LDB2: variants seen among roughly 807,000 people sequenced by gnomAD.
LDB2 encodes LIM domain binding 2.
A neutral mutation model predicts 44.3 loss-of-function variants in LDB2; 12 were observed. That is an observed-to-expected ratio of 0.27 (90% CI 0.17 to 0.44). LDB2 has a LOEUF of 0.44. LDB2 is among the 20% of genes least tolerant of loss of function. The probability of loss-of-function intolerance (pLI) is 1.00; values close to 1 mark genes in which losing one functional copy is unlikely to be tolerated. For synonymous variants in LDB2, 164 were observed against 174.8 expected, an observed-to-expected ratio of 0.94 and a Z score of 0.49; for missense variants, 344 against 473.5, an observed-to-expected ratio of 0.73 and a Z score of 2.54.
At chr4:16,758,346 T>C (rs1579390603) in intron 2 of LDB2, among the ~76,000 whole-genome samples, 1 of 152,228 alleles carries the variant, frequency 6.6e-6, no homozygotes, top group African/African-American at 2.4e-5. Context: ...GCTGGTTCCC[T>C]CATCATTTCA....
At chr4:16,616,606 C>T (rs1727399815) in intron 2 of LDB2, among the ~76,000 whole-genome samples, 1 of 152,036 alleles carries the variant, frequency 6.6e-6, no homozygotes, top group Non-Finnish European at 1.5e-5. Context: ...GTTGGGGAGA[C>T]AAGGCCACCA....
intron 2 of LDB2, among the ~76,000 whole-genome samples, chr4:16,711,892 A>G (rs1306656349): frequency 6.6e-6 from 1 of 152,214 alleles, no homozygotes; most frequent in East Asian, 1.9e-4. Flanking sequence ...TCCACATGCA[A>G]AAGAACAAAT....
chr4:16,567,885 G>A (rs1332978288), intron 5 of LDB2, among the ~76,000 whole-genome samples: 1 of 152,142 alleles, frequency 6.6e-6, no homozygotes, highest in African/African-American at 2.4e-5. Context: ...GATAGTGAGG[G>A]TTAGTTAAAT....
rs1717794553 is a variant in LDB2, at chr4:16,502,566, C to G, written c.*77G>C. On this transcript the variant is annotated 3_prime_UTR_variant, in exon 8 of 8. Transcript: ENST00000304523. ...GAAAAGTTTTTATCTCTTCTGTTTC[C>G]TCTCCTGTAAGTAAAGATTTGCAAT... The G allele has an allele frequency of 6.4e-7, 1 of 1,559,224 alleles. No homozygotes were observed. The highest frequency in any genetic ancestry group is 1.4e-5 in the African/African-American group (1 of 73,246).
intron 2 of LDB2, among the ~76,000 whole-genome samples, chr4:16,627,318 G>A (rs1730543035): frequency 6.6e-6 from 1 of 152,184 alleles, no homozygotes; most frequent in African/African-American, 2.4e-5. Flanking sequence ...ACTGGGAGCA[G>A]TGTGCTTCTG....
intron 2 of LDB2, among the ~76,000 whole-genome samples, chr4:16,678,952 A>C (rs1308066562): frequency 6.6e-6 from 1 of 152,230 alleles, no homozygotes. Context: ...GGTGATATTT[A>C]TCATGCTTTC....
At chr4:16,888,019 T>C (rs1056643863) in intron 1 of LDB2, among the ~76,000 whole-genome samples, 2 of 152,178 alleles carry the variant, frequency 1.3e-5, no homozygotes, top group African/African-American at 4.8e-5. Context: ...CTTCCACCAG[T>C]GTGTGCATTA....
At chr4:16,641,122 C>T (rs894310478) in intron 2 of LDB2, among the ~76,000 whole-genome samples, 3 of 151,874 alleles carry the variant, frequency 2.0e-5, no homozygotes, top group African/African-American at 7.3e-5. Flanking sequence ...GGGAGTTTGG[C>T]AGTAGAGGAG....
At chr4:16,503,124 C>T (rs1037340248) in intron 7 of LDB2, 7 of 1,536,216 alleles carry the variant, frequency 4.6e-6, no homozygotes, top group Non-Finnish European at 5.2e-6. Flanking sequence ...ACGAGCAATG[C>T]TAGCAATCTG....
intron 5 of LDB2, among the ~76,000 whole-genome samples, chr4:16,526,606 G>A (rs1006953960): frequency 1.3e-5 from 2 of 152,164 alleles, no homozygotes; most frequent in African/African-American, 4.8e-5. Context: ...ACTAACATGG[G>A]TATTTATAAG....
chr4:16,764,699 C>G (rs1343132216), intron 1 of LDB2, among the ~76,000 whole-genome samples: 7 of 152,164 alleles, frequency 4.6e-5, no homozygotes, highest in Non-Finnish European at 8.8e-5. Context: ...TATGTACAGG[C>G]TAGCAGTTCC....
chr4:16,801,678 C>T (rs1209742101), intron 1 of LDB2, among the ~76,000 whole-genome samples: 3 of 152,128 alleles, frequency 2.0e-5, no homozygotes, highest in African/African-American at 7.2e-5. Flanking sequence ...CATCACTCTT[C>T]CTATGAAATC....
At chr4:16,566,971 A>C (rs1490368598) in intron 5 of LDB2, among the ~76,000 whole-genome samples, 1 of 152,234 alleles carries the variant, frequency 6.6e-6, no homozygotes, top group Non-Finnish European at 1.5e-5. Flanking sequence ...ATAGTGAAGA[A>C]AATTTTAATA....
At chr4:16,670,416 G>C (rs1305243789) in intron 2 of LDB2, among the ~76,000 whole-genome samples, 1 of 152,020 alleles carries the variant, frequency 6.6e-6, no homozygotes, top group African/African-American at 2.4e-5. Flanking sequence ...CAAATATTAA[G>C]TCCCCACCAC....
At chr4:16,624,482 C>T (rs942877010) in intron 2 of LDB2, among the ~76,000 whole-genome samples, 3 of 152,096 alleles carry the variant, frequency 2.0e-5, no homozygotes, top group African/African-American at 7.2e-5. Flanking sequence ...ATTATGTGCT[C>T]GTCATTGGAT....
intron 1 of LDB2, among the ~76,000 whole-genome samples, chr4:16,772,871 T>G (rs1579526674): frequency 1.3e-5 from 2 of 152,318 alleles, no homozygotes; most frequent in Non-Finnish European, 1.5e-5. Context: ...AGCACATTCT[T>G]ACATGATAAT....
At chr4:16,598,730 G>T (rs1721736173) in intron 2 of LDB2, among the ~76,000 whole-genome samples, 1 of 152,058 alleles carries the variant, frequency 6.6e-6, no homozygotes, top group Admixed American at 6.6e-5. Flanking sequence ...AAATATAGGA[G>T]CCTGAATACA....
chr4:16,691,109 A>G (rs145428066), intron 2 of LDB2, among the ~76,000 whole-genome samples: 33 of 152,282 alleles, frequency 2.2e-4, no homozygotes, highest in African/African-American at 7.9e-4. Flanking sequence ...TGAGGAAACC[A>G]TGATGAGATA....
chr4:16,686,106 A>G (rs1312038294), intron 2 of LDB2, among the ~76,000 whole-genome samples: 3 of 152,150 alleles, frequency 2.0e-5, no homozygotes, highest in African/African-American at 7.2e-5. Context: ...GCTAATCACA[A>G]TATTAAGAAT....
Sources: gnomAD v4.1 joint callset for allele counts (sites outside exome capture counted in the v4.1 genomes callset) on GRCh38, gnomAD v4.1.1 for gene constraint, MANE v1.5 for transcripts, NCBI Gene and HGNC (gene_info 2026-07-23, HGNC 2026-07-21) for gene names.